Variants in SP140L observed in about 807,000 individuals in gnomAD.
The protein encoded by SP140L is SP140 like nuclear body protein.
SP140L carries 64 observed loss-of-function variants against 84.3 expected under a neutral mutation model. The observed-to-expected ratio is 0.76, with a 90% CI of 0.62 to 0.94. SP140L has a LOEUF of 0.94. Ranked by LOEUF, SP140L falls within the 40% of genes least tolerant of loss-of-function variation. The probability of loss-of-function intolerance (pLI) is 0.00; values close to 1 mark genes in which losing one functional copy is unlikely to be tolerated. For synonymous variants in SP140L, 242 were observed against 236.9 expected (o/e 1.02, Z -0.20); for missense variants, 628 against 692.5 (o/e 0.91, Z 1.05).
chr2:230,330,725 G>T (rs2149671220), intron 2 of SP140L, among the ~76,000 whole-genome samples: 1 of 152,120 alleles, frequency 6.6e-6, no homozygotes, highest in East Asian at 1.9e-4. Flanking sequence ...AACTATAGTA[G>T]TCCTTCTTTA....
rs1435072584 is a variant in SP140L, at chr2:230,385,300, T to G, written c.780T>G (p.Ile260Met). The G allele has an allele frequency of 8.7e-6, 14 of 1,613,478 alleles. No individual in the cohort carries two copies. In the Admixed American group the frequency reaches 2.3e-4, roughly 27 times the overall value. The change falls in exon 9 of 19, where the codon ATT becomes ATG. Residue 260 changes from isoleucine (I) to methionine (M), a missense_variant. Physicochemically the swap from Ile to Met is conservative, Grantham distance 10. Transcript: ENST00000415673. ...TGAATCTGAAAGACCTTTCCAAGAT[T>G]AGGGGTAAGATAAAGTTGGTACCAC... ...ANMNLKDLSK[I>M]RGRKRGKPGT... is the part of the protein sequence containing the mutation.
At chr2:230,362,963 A>G (rs1007563545) in intron 5 of SP140L, among the ~76,000 whole-genome samples, 22 of 152,184 alleles carry the variant, frequency 1.4e-4, no homozygotes, top group African/African-American at 3.9e-4. Flanking sequence ...AAGACCAACC[A>G]GAAAATGTGA....
intron 2 of SP140L, among the ~76,000 whole-genome samples, chr2:230,351,266 C>T (rs2060356374): frequency 6.6e-6 from 1 of 152,220 alleles, no homozygotes; most frequent in African/African-American, 2.4e-5. Flanking sequence ...TGAATCTTCT[C>T]CCACATGGCA....
intron 7 of SP140L, among the ~76,000 whole-genome samples, chr2:230,382,201 T>A (rs993538527): frequency 9.5e-6 from 1 of 105,552 alleles, no homozygotes; most frequent in Non-Finnish European, 1.7e-5. Context: ...AGAACAGGGG[T>A]AGGGACAATG....
intron 5 of SP140L, among the ~76,000 whole-genome samples, chr2:230,370,269 A>C (rs940504236): frequency 6.6e-6 from 1 of 152,124 alleles, no homozygotes; most frequent in Non-Finnish European, 1.5e-5. Context: ...TCCAGAGAGC[A>C]CTTCACCTTG....
At chr2:230,390,240 A>G (rs1225325088) in intron 11 of SP140L, among the ~76,000 whole-genome samples, 2 of 152,216 alleles carry the variant, frequency 1.3e-5, no homozygotes, top group Non-Finnish European at 2.9e-5. Flanking sequence ...GGGGTACCCA[A>G]AGAACAAAAG....
chr2:230,352,187 A>C (rs796095765), intron 2 of SP140L, among the ~76,000 whole-genome samples: 32 of 152,058 alleles, frequency 2.1e-4, no homozygotes, highest in African/African-American at 7.5e-4. Context: ...TTTTTAACTT[A>C]TGTCTTTCCA....
At position 230,385,310 on chromosome 2, in the gene SP140L, A is replaced by G; in HGVS notation, c.784+6A>G. On this transcript the variant is annotated splice_donor_region_variant and intron_variant, in intron 9 of 18. Coordinates refer to ENST00000415673, the MANE Select transcript of SP140L (RefSeq NM_138402.6). Reference sequence around the variant, plus strand: ...AGACCTTTCCAAGATTAGGGGTAAGATAAAGTTGGTACCACTTTTCATTTG... The same window carrying G: ...AGACCTTTCCAAGATTAGGGGTAAGGTAAAGTTGGTACCACTTTTCATTTG... 1 of 1,613,348 alleles carries G rather than the reference A, an allele frequency of 6.2e-7. No individual in the cohort carries two copies. The highest frequency in any genetic ancestry group is 1.1e-5 in the South Asian group (1 of 91,058).
intron 5 of SP140L, among the ~76,000 whole-genome samples, chr2:230,368,514 T>G (rs951567595): frequency 6.6e-6 from 1 of 152,216 alleles, no homozygotes; most frequent in African/African-American, 2.4e-5. Context: ...TTGCAAAGTT[T>G]TATGCTATTA....
intron 2 of SP140L, among the ~76,000 whole-genome samples, chr2:230,351,062 A>G (rs1211108473): frequency 6.6e-6 from 1 of 152,194 alleles, no homozygotes; most frequent in East Asian, 1.9e-4. Flanking sequence ...AATGGAGAGC[A>G]TTGAAAGTTC....
At chr2:230,345,700 T>C (rs1005185954) in intron 2 of SP140L, among the ~76,000 whole-genome samples, 3 of 152,084 alleles carry the variant, frequency 2.0e-5, no homozygotes, top group African/African-American at 7.2e-5. Context: ...ACATAAAATA[T>C]CTTATAGCTA....
chr2:230,400,857 G>C, intron 15 of SP140L, 98 bp from the exon 16 acceptor site: 1 of 1,550,184 alleles, frequency 6.5e-7, no homozygotes, highest in Admixed American at 1.9e-5. Context: ...CCATGACTGA[G>C]CCCATCAGCC....
At chr2:230,402,724 C>A in intron 18 of SP140L, 74 bp from the exon 19 acceptor site, 2 of 1,133,904 alleles carry the variant, frequency 1.8e-6, no homozygotes, top group Non-Finnish European at 2.6e-6. Flanking sequence ...GAGTCCTGAT[C>A]ATTCTCAGTT....
intron 7 of SP140L, among the ~76,000 whole-genome samples, chr2:230,379,261 G>A (rs932864815): frequency 6.6e-6 from 1 of 151,942 alleles, no homozygotes; most frequent in Non-Finnish European, 1.5e-5. Context: ...CTGTGGTAGT[G>A]TTGACCATTC....
chr2:230,386,384 G>A (rs2061582631), intron 9 of SP140L, among the ~76,000 whole-genome samples: 1 of 152,138 alleles, frequency 6.6e-6, no homozygotes, highest in Non-Finnish European at 1.5e-5. Context: ...CAACCATTGG[G>A]ACTTGAAGTG....
At chr2:230,361,496 A>C in intron 4 of SP140L, 118 bp from the exon 5 acceptor site, 3 of 563,234 alleles carry the variant, frequency 5.3e-6, no homozygotes, top group Non-Finnish European at 2.8e-6. Context: ...TGATAGGAGA[A>C]GTTTAAGTCT....
At chr2:230,393,916 C>T (rs903165027) in intron 13 of SP140L, among the ~76,000 whole-genome samples, 1 of 152,162 alleles carries the variant, frequency 6.6e-6, no homozygotes, top group African/African-American at 2.4e-5. Flanking sequence ...TCACTTGAGA[C>T]ATGTATGAAA....
intron 2 of SP140L, among the ~76,000 whole-genome samples, chr2:230,341,509 A>C (rs368516887): frequency 2.0e-5 from 3 of 150,068 alleles, no homozygotes; most frequent in Non-Finnish European, 4.4e-5. Flanking sequence ...GTCATTCTCC[A>C]TCCAGCTTTG....
At position 230,340,469 on chromosome 2, in the gene SP140L, T is replaced by C. The variant is rs1227686482; in HGVS notation, c.107+11638T>C. ...CAATTTGCCAGTCTGTGTCTTTTAC[T>C]TGGAGCATTTAGTCCATTTACATTT... On this transcript the variant is annotated intron_variant, in intron 2 of 18. Coordinates refer to ENST00000415673, the MANE Select transcript of SP140L (RefSeq NM_138402.6). Among the ~76,000 whole-genome samples, 24 of 149,172 alleles carry C rather than the reference T, an allele frequency of 1.6e-4. No individual in the cohort carries two copies. In the East Asian group the frequency reaches 4.7e-3, roughly 29 times the overall value.
Sources: allele counts gnomAD v4.1 joint callset (sites outside exome capture counted in the v4.1 genomes callset), GRCh38; gene constraint gnomAD v4.1.1; transcripts MANE v1.5; gene names NCBI Gene and HGNC (gene_info 2026-07-23, HGNC 2026-07-21).